The following KCNH5 variants were observed in gnomAD, a reference collection of about 807,000 sequenced individuals.
KCNH5 encodes voltage-gated delayed rectifier potassium channel KCNH5.
A neutral mutation model predicts 96.1 loss-of-function variants in KCNH5; 46 were observed. The ratio of observed to expected loss-of-function variants is 0.48; its 90% CI spans 0.38 to 0.61. The LOEUF is 0.61. KCNH5 is among the 20% of genes least tolerant of loss of function. KCNH5 has a pLI of 0.00. For missense variants in KCNH5, 907 were observed against 1,225.8 expected (o/e 0.74, Z 3.88); for synonymous variants, 439 against 449.8 (o/e 0.98, Z 0.30).
intron 7 of KCNH5, among the ~76,000 whole-genome samples, chr14:62,914,090 T>C (rs889719654): frequency 3.3e-5 from 5 of 152,196 alleles, no homozygotes; most frequent in African/African-American, 1.2e-4. Context: ...TTTCTTAAAA[T>C]TGAAAAATAC....
intron 6 of KCNH5, among the ~76,000 whole-genome samples, chr14:62,960,987 C>T (rs1378232326): frequency 1.3e-5 from 2 of 152,136 alleles, no homozygotes; most frequent in Non-Finnish European, 1.5e-5. Context: ...TTTTAATATG[C>T]TTCTTTTTGT....
chr14:62,953,143 C>A (rs929821176), intron 6 of KCNH5, among the ~76,000 whole-genome samples: 1 of 151,250 alleles, frequency 6.6e-6, no homozygotes, highest in African/African-American at 2.4e-5. Context: ...AATATACATA[C>A]TTGATATATA....
intron 10 of KCNH5, among the ~76,000 whole-genome samples, chr14:62,717,000 C>G (rs1234539300): frequency 6.6e-6 from 1 of 152,012 alleles, no homozygotes; most frequent in South Asian, 2.1e-4. Context: ...ATGCACTAGC[C>G]ATGAACCATC....
chr14:63,022,547 C>CT (rs1413650747), intron 1 of KCNH5, among the ~76,000 whole-genome samples: 1 of 152,120 alleles, frequency 6.6e-6, no homozygotes. Context: ...GACCCAAATC[C>CT]TTTCCATGGC....
intron 1 of KCNH5, among the ~76,000 whole-genome samples, chr14:63,022,169 T>C (rs989900428): frequency 8.5e-5 from 13 of 152,200 alleles, no homozygotes; most frequent in Non-Finnish European, 2.9e-5. Context: ...TCTTAGAGAA[T>C]GGGGCCACCA....
At chr14:63,015,373 A>T (rs1269408420) in intron 2 of KCNH5, among the ~76,000 whole-genome samples, 1 of 152,040 alleles carries the variant, frequency 6.6e-6, no homozygotes, top group East Asian at 1.9e-4. Flanking sequence ...GTATAATATA[A>T]AATATCTACA....
At chr14:63,043,945 A>C (rs780230281) in intron 1 of KCNH5, among the ~76,000 whole-genome samples, 2 of 152,152 alleles carry the variant, frequency 1.3e-5, no homozygotes, top group Non-Finnish European at 2.9e-5. Context: ...ATGTGTATTA[A>C]TTACTTTTTT....
intron 8 of KCNH5, among the ~76,000 whole-genome samples, chr14:62,843,468 G>C (rs1022803857): frequency 2.8e-5 from 4 of 142,780 alleles, no homozygotes; most frequent in Admixed American, 7.3e-5. Context: ...CTGGAGTACA[G>C]TGGGGTGATC....
intron 9 of KCNH5, among the ~76,000 whole-genome samples, chr14:62,795,973 G>A (rs761000049): frequency 7.2e-5 from 11 of 152,096 alleles, no homozygotes; most frequent in Non-Finnish European, 1.2e-4. Flanking sequence ...GCCAGGAAGA[G>A]GGAACTTTGT....
chr14:62,770,781 A>C (rs923097152), intron 10 of KCNH5, among the ~76,000 whole-genome samples: 4 of 151,956 alleles, frequency 2.6e-5, no homozygotes, highest in African/African-American at 9.7e-5. Flanking sequence ...GTAATGTTAC[A>C]CTCCAGCTGT....
At chr14:63,027,199 G>A (rs1473012759) in intron 1 of KCNH5, among the ~76,000 whole-genome samples, 1 of 152,004 alleles carries the variant, frequency 6.6e-6, no homozygotes, top group Non-Finnish European at 1.5e-5. Context: ...GAAGGGTGGG[G>A]ACATTGGGGA....
intron 7 of KCNH5, among the ~76,000 whole-genome samples, chr14:62,909,032 ATTTTTTTTTTTTTTTT>A (rs58920666): frequency 3.5e-5 from 2 of 57,926 alleles, no homozygotes; most frequent in South Asian, 1.6e-3. Flanking sequence ...TATGCTACGT[ATTTTTTTTTTTTTTTT>A]TTTTTTTTTT....
chr14:62,773,529 T>C (rs996518168), intron 10 of KCNH5, among the ~76,000 whole-genome samples: 7 of 152,314 alleles, frequency 4.6e-5, no homozygotes, highest in Non-Finnish European at 7.3e-5. Context: ...TGTTATGTGT[T>C]ATGGGCTGGA....
intron 7 of KCNH5, among the ~76,000 whole-genome samples, chr14:62,913,735 T>C (rs1034611874): frequency 6.6e-6 from 1 of 152,170 alleles, no homozygotes; most frequent in African/African-American, 2.4e-5. Flanking sequence ...AAGCATTGTT[T>C]CTTAATGATT....
At chr14:62,799,973 A>AAGG (rs1361543072) in intron 9 of KCNH5, among the ~76,000 whole-genome samples, 5 of 149,988 alleles carry the variant, frequency 3.3e-5, no homozygotes, top group African/African-American at 7.4e-5. Flanking sequence ...GGAGAAAGAA[A>AAGG]AGGAGGAGGA....
At position 62,783,493 on chromosome 14, in the gene KCNH5, T is replaced by C. The variant is rs557334790; in HGVS notation, c.1823-3569A>G. ...AAAGGTTACATTTCTCTATGATTCATTTCTGTATCATTTTCTCAAATTGTC... is the reference window on the plus strand; with the variant it reads ...AAAGGTTACATTTCTCTATGATTCACTTCTGTATCATTTTCTCAAATTGTC... On this transcript the variant is annotated intron_variant, in intron 9 of 10. Coordinates refer to ENST00000322893, the MANE Select transcript of KCNH5 (RefSeq NM_139318.5). 2.0e-5 allele frequency among the ~76,000 whole-genome samples: 3 copies of C among 152,354 alleles called. No individual in the cohort carries two copies. In the East Asian group the frequency reaches 5.8e-4, roughly 29 times the overall value.
chr14:62,895,493 G>A (rs1327844904), intron 7 of KCNH5, among the ~76,000 whole-genome samples: 1 of 152,016 alleles, frequency 6.6e-6, no homozygotes, highest in Non-Finnish European at 1.5e-5. Flanking sequence ...ACCACACCCA[G>A]CTAATTTTGT....
intron 7 of KCNH5, among the ~76,000 whole-genome samples, chr14:62,877,030 C>A (rs1041080497): frequency 6.6e-6 from 1 of 152,122 alleles, no homozygotes; most frequent in South Asian, 2.1e-4. Context: ...TGTCAAAGAT[C>A]AGATAGTTGT....
intron 7 of KCNH5, among the ~76,000 whole-genome samples, chr14:62,937,223 T>C (rs377735346): frequency 6.6e-6 from 1 of 152,094 alleles, no homozygotes; most frequent in Non-Finnish European, 1.5e-5. Flanking sequence ...CAAACCCTCA[T>C]GTTTTGCTGG....
Sources: allele counts gnomAD v4.1 joint callset (sites outside exome capture counted in the v4.1 genomes callset), GRCh38; gene constraint gnomAD v4.1.1; transcripts MANE v1.5; gene names NCBI Gene and HGNC (gene_info 2026-07-23, HGNC 2026-07-21).